VPS53: variants seen among roughly 807,000 people sequenced by gnomAD.
The protein encoded by VPS53 is VPS53 subunit of GARP complex.
A neutral mutation model predicts 107.0 loss-of-function variants in VPS53; 70 were observed. That is an observed-to-expected ratio of 0.65 (90% CI 0.54 to 0.80). VPS53 has a LOEUF of 0.80. Ranked by LOEUF, VPS53 falls within the 30% of genes least tolerant of loss-of-function variation. The pLI is 0.00. For synonymous variants in VPS53, 409 were observed against 393.3 expected, an observed-to-expected ratio of 1.04 and a Z score of -0.47; for missense variants, 917 against 1,049.4, an observed-to-expected ratio of 0.87 and a Z score of 1.74.
intron 4 of VPS53, chr17:674,092 C>T (rs950496905): frequency 4.6e-5 from 7 of 152,152 alleles, no homozygotes; most frequent in Non-Finnish European, 1.0e-4. Context: ...AAGGTAACCC[C>T]GGAGGATGAG....
intron 18 of VPS53, among the ~76,000 whole-genome samples, chr17:534,222 C>A (rs1206080644): frequency 6.6e-6 from 1 of 152,184 alleles, no homozygotes; most frequent in Non-Finnish European, 1.5e-5. Flanking sequence ...TCTTCCCAAC[C>A]ACTATTATGA....
intron 11 of VPS53, among the ~76,000 whole-genome samples, chr17:622,531 G>A (rs930787236): frequency 3.3e-5 from 5 of 152,112 alleles, no homozygotes; most frequent in African/African-American, 4.8e-5. Flanking sequence ...ACGACTCGAG[G>A]AGACGGATGA....
chr17:553,515 A>G (rs1912057024), intron 15 of VPS53, 53 bp from the exon 16 acceptor site: 6 of 1,323,334 alleles, frequency 4.5e-6, no homozygotes, highest in Non-Finnish European at 6.5e-6. Context: ...CCAAAGAAGT[A>G]CCATCACAAT....
At chr17:564,077 C>A (rs992561359) in intron 13 of VPS53, among the ~76,000 whole-genome samples, 3 of 151,840 alleles carry the variant, frequency 2.0e-5, no homozygotes, top group African/African-American at 7.3e-5. Context: ...TGGCAAAACC[C>A]CGTCTCTACT....
intron 11 of VPS53, among the ~76,000 whole-genome samples, chr17:605,731 C>T (rs1050622061): frequency 1.8e-5 from 1 of 55,810 alleles, no homozygotes; most frequent in Non-Finnish European, 3.2e-5. Context: ...GGGACGGAAA[C>T]GAAGATGGGG....
chr17:676,930 G>A (rs962021159), intron 4 of VPS53, among the ~76,000 whole-genome samples: 2 of 151,090 alleles, frequency 1.3e-5, no homozygotes, highest in African/African-American at 2.4e-5. Flanking sequence ...GAAACATGTT[G>A]TCTATATTAA....
At chr17:591,388 C>T (rs12603769) in intron 12 of VPS53, among the ~76,000 whole-genome samples, 75,822 of 150,762 alleles carry the variant, frequency 0.5, 19,864 homozygotes, top group East Asian at 0.77. Context: ...TTCAGTTCTG[C>T]TCTGATTTTC....
chr17:536,901 G>C (rs1567605747), intron 18 of VPS53, 127 bp downstream of exon 18: 2 of 1,208,802 alleles, frequency 1.7e-6, no homozygotes, highest in Non-Finnish European at 2.3e-6. Context: ...TGCATGTTGG[G>C]GGGGTCAGGT....
At chr17:586,055 C>A (rs1967293115) in intron 13 of VPS53, among the ~76,000 whole-genome samples, 1 of 152,016 alleles carries the variant, frequency 6.6e-6, no homozygotes, top group Admixed American at 6.6e-5. Context: ...CCACTGGGGA[C>A]CTTATTAGGG....
In VPS53 at chr17:508,676, C is replaced by G. The variant is rs1907747813; in HGVS notation, c.*10452G>C. On this transcript the variant is annotated 3_prime_UTR_variant, in exon 22 of 22. Coordinates refer to ENST00000437048, the MANE Select transcript of VPS53 (RefSeq NM_001128159.3). ...ACTTCAGGAGACAAGGAGCCTGTTACCATCTCTGTTTAATTGAAGAGCCTC... is the reference window on the plus strand; with the variant it reads ...ACTTCAGGAGACAAGGAGCCTGTTAGCATCTCTGTTTAATTGAAGAGCCTC... The G allele has an allele frequency of 6.6e-6, 1 of 152,160 alleles. No individual in the cohort carries two copies. Among genetic ancestry groups the G allele is most frequent in the South Asian group, 2.1e-4 (1 of 4,826 alleles). The allele number at this position is 152,160 out of a possible 1,614,324, so 9.4% of individuals were successfully genotyped here. A position where few individuals can be genotyped will look rare whatever the true frequency, so the allele number is the denominator to read the frequency against.
Position 687,597 on chromosome 17 carries a change from G to A in VPS53, c.285+9821C>T, listed in dbSNP as rs553978127. Among the ~76,000 whole-genome samples, 278 of 150,730 alleles carry A rather than the reference G, an allele frequency of 1.8e-3. 2 individuals are homozygous for A. The highest frequency in any genetic ancestry group is 0.01 in the Middle Eastern group (3 of 290). ...CTCAAAAAAAAAAAAAAAAAGATGCGCATGGTGGCATGTGCCTGTGGTCCC... is the reference window on the plus strand; with the variant it reads ...CTCAAAAAAAAAAAAAAAAAGATGCACATGGTGGCATGTGCCTGTGGTCCC... On this transcript the variant is annotated intron_variant, in intron 4 of 21. Transcript: ENST00000437048.
In VPS53 at chr17:522,654, C is replaced by A. The variant is rs568500044; in HGVS notation, c.2086-916G>T. Reference sequence around the variant, plus strand: ...CTCATTATTGTTTTACTTTGAATTTCTCTGGATGTTACTGAGGATGTAGGA... The same window carrying A: ...CTCATTATTGTTTTACTTTGAATTTATCTGGATGTTACTGAGGATGTAGGA... On this transcript the variant is annotated intron_variant, in intron 19 of 21. Coordinates refer to ENST00000437048, the MANE Select transcript of VPS53 (RefSeq NM_001128159.3). Among the ~76,000 whole-genome samples, 4 of 152,312 alleles carry A rather than the reference C, an allele frequency of 2.6e-5. No individual in the cohort carries two copies. The East Asian group carries it at 7.7e-4, about 29-fold the overall frequency.
intron 17 of VPS53, among the ~76,000 whole-genome samples, chr17:546,752 G>T (rs568270440): frequency 6.6e-6 from 1 of 152,078 alleles, no homozygotes; most frequent in Non-Finnish European, 1.5e-5. Flanking sequence ...CTTACACTTT[G>T]CTGTGGAAAG....
intron 15 of VPS53, among the ~76,000 whole-genome samples, chr17:554,724 G>C (rs555268986): frequency 6.6e-6 from 1 of 152,326 alleles, no homozygotes; most frequent in Non-Finnish European, 1.5e-5. Context: ...TGCCAGGACA[G>C]AATAACCAAT....
chr17:576,995 T>TC (rs753926375), intron 13 of VPS53, among the ~76,000 whole-genome samples: 9 of 146,156 alleles, frequency 6.2e-5, no homozygotes, highest in Non-Finnish European at 1.3e-4. Context: ...GCAGAGAACC[T>TC]CCCTCAGGAC....
intron 6 of VPS53, among the ~76,000 whole-genome samples, chr17:655,552 CT>C (rs1971156556): frequency 9.4e-6 from 1 of 106,766 alleles, no homozygotes; most frequent in Admixed American, 1.3e-4. Flanking sequence ...CTGTGTCACT[CT>C]GTCTGCCTTG....
At position 512,879 on chromosome 17, in the gene VPS53, C is replaced by A. The variant is rs1489812137; in HGVS notation, c.*6249G>T. 1 of 152,134 alleles carries A rather than the reference C, an allele frequency of 6.6e-6. No homozygotes were observed. The highest frequency in any genetic ancestry group is 1.5e-5 in the Non-Finnish European group (1 of 68,044). 9.4% of individuals were successfully genotyped at this position (152,134 alleles called of 1,614,324 possible). On this transcript the variant is annotated 3_prime_UTR_variant, in exon 22 of 22. Transcript: ENST00000437048. Reference sequence around the variant, plus strand: ...ACTAAGGAAACAGGATGGACTCATGCGTGCAGGAGAGAAATCACTTGGCCG... The same window carrying A: ...ACTAAGGAAACAGGATGGACTCATGAGTGCAGGAGAGAAATCACTTGGCCG...
intron 11 of VPS53, among the ~76,000 whole-genome samples, chr17:613,940 C>G (rs1969019785): frequency 6.6e-6 from 1 of 152,230 alleles, no homozygotes; most frequent in Non-Finnish European, 1.5e-5. Context: ...CACTATTCAG[C>G]CATCAAAATG....
intron 2 of VPS53, among the ~76,000 whole-genome samples, chr17:709,551 G>C (rs572401267): frequency 6.6e-6 from 1 of 152,116 alleles, no homozygotes; most frequent in Non-Finnish European, 1.5e-5. Flanking sequence ...TGTCACTGAC[G>C]GCATTCGCCA....
Sources: gnomAD v4.1 joint callset for allele counts (sites outside exome capture counted in the v4.1 genomes callset) on GRCh38, gnomAD v4.1.1 for gene constraint, MANE v1.5 for transcripts, NCBI Gene and HGNC (gene_info 2026-07-23, HGNC 2026-07-21) for gene names.